Variants in CFAP45 observed in about 807,000 individuals in gnomAD.
CFAP45 encodes cilia- and flagella-associated protein 45.
A neutral mutation model predicts 75.6 loss-of-function variants in CFAP45; 43 were observed. The ratio of observed to expected loss-of-function variants is 0.57; its 90% CI spans 0.45 to 0.73. The LOEUF is 0.73. CFAP45 is among the 30% of genes least tolerant of loss of function. The pLI is 0.00. For synonymous variants in CFAP45, 223 were observed against 244.6 expected (o/e 0.91, Z 0.82); for missense variants, 689 against 701.5 (o/e 0.98, Z 0.20).
At chr1:159,887,036 C>A (rs977711465) in intron 5 of CFAP45, among the ~76,000 whole-genome samples, 2 of 152,094 alleles carry the variant, frequency 1.3e-5, no homozygotes, top group African/African-American at 4.8e-5. Context: ...CATGTACACA[C>A]AAAATTTCTA....
intron 5 of CFAP45, among the ~76,000 whole-genome samples, chr1:159,887,058 A>G (rs1453726746): frequency 6.6e-6 from 1 of 152,170 alleles, no homozygotes; most frequent in African/African-American, 2.4e-5. Context: ...AAAACTTCAG[A>G]GGTCCATTGT....
At chr1:159,886,437 CT>C in intron 6 of CFAP45, 73 bp downstream of exon 6, 1 of 1,288,042 alleles carries the variant, frequency 7.8e-7, no homozygotes, top group South Asian at 1.2e-5. Flanking sequence ...TCTCTTCCCT[CT>C]TTGCTAGGCT....
At chr1:159,878,387 G>A (rs756837948) in intron 8 of CFAP45, among the ~76,000 whole-genome samples, 7 of 152,096 alleles carry the variant, frequency 4.6e-5, no homozygotes, top group Non-Finnish European at 8.8e-5. Flanking sequence ...AGCTTCCCAA[G>A]CCCGCTTCCC....
At chr1:159,887,454 A>G (rs1468546288) in intron 5 of CFAP45, among the ~76,000 whole-genome samples, 2 of 152,220 alleles carry the variant, frequency 1.3e-5, no homozygotes, top group Non-Finnish European at 2.9e-5. Flanking sequence ...CGACCACCAT[A>G]CGTGGCCAGA....
intron 8 of CFAP45, 120 bp downstream of exon 8, chr1:159,880,434 G>A (rs1649522715): frequency 2.4e-6 from 2 of 848,546 alleles, no homozygotes; most frequent in Non-Finnish European, 3.7e-6. Flanking sequence ...AACTAAGGAT[G>A]TGCATCTTAG....
intron 3 of CFAP45, among the ~76,000 whole-genome samples, chr1:159,889,221 C>T (rs984558088): frequency 2.7e-5 from 4 of 148,290 alleles, no homozygotes; most frequent in African/African-American, 7.5e-5. Flanking sequence ...ACAAACCAAT[C>T]GCTAATTATA....
chr1:159,883,302 G>GAATA (rs1435133366), intron 7 of CFAP45, among the ~76,000 whole-genome samples: 1 of 152,096 alleles, frequency 6.6e-6, no homozygotes, highest in East Asian at 1.9e-4. Context: ...ATGAATGAAT[G>GAATA]AATGAATGAA....
chr1:159,895,425 C>T (rs1649931063), intron 1 of CFAP45, among the ~76,000 whole-genome samples: 1 of 152,236 alleles, frequency 6.6e-6, no homozygotes, highest in African/African-American at 2.4e-5. Context: ...TCTGAAAGCT[C>T]TCTCTGATCT....
chr1:159,890,361 G>T, intron 3 of CFAP45, 119 bp downstream of exon 3: 1 of 890,280 alleles, frequency 1.1e-6, no homozygotes, highest in Non-Finnish European at 1.8e-6. Context: ...AAACGAATAG[G>T]AAAGAAGTGG....
chr1:159,884,275 G>A (rs948371350), intron 7 of CFAP45, among the ~76,000 whole-genome samples, 161 bp downstream of exon 7: 30 of 152,170 alleles, frequency 2.0e-4, no homozygotes, highest in Non-Finnish European at 5.9e-5. Context: ...ACACCATGGT[G>A]AAATAAATAT....
intron 7 of CFAP45, among the ~76,000 whole-genome samples, chr1:159,883,776 A>C (rs980892025): frequency 6.6e-6 from 1 of 152,094 alleles, no homozygotes; most frequent in African/African-American, 2.4e-5. Context: ...AAATTTTTCA[A>C]AATAAAAAAT....
At chr1:159,880,811 A>C in intron 7 of CFAP45, 111 bp from the exon 8 acceptor site, 1 of 965,502 alleles carries the variant, frequency 1.0e-6, no homozygotes, top group Admixed American at 2.4e-5. Context: ...CATTGCCTGC[A>C]GTCTAGTGTC....
chr1:159,873,342 C>T, intron 10 of CFAP45, 174 bp from the exon 11 acceptor site: 1 of 607,692 alleles, frequency 1.6e-6, no homozygotes, highest in East Asian at 2.7e-5. Context: ...AGCTGCTGCA[C>T]ATGCATGCCC....
chr1:159,877,405 CCTT>C lies in CFAP45; in HGVS notation c.1099_1101del (p.Lys367del), dbSNP rs1649428456. 8.1e-6 allele frequency: 13 copies of C among 1,614,042 alleles called. No homozygotes were observed. Among genetic ancestry groups the C allele is most frequent in the Middle Eastern group, 1.6e-4 (1 of 6,084 alleles). ...TGCATGGCCCTCAAGCGTGCGATCT[CCTT>C]CTCTTTCTCCCTCCGGATTCTCTCC... On this transcript the variant is annotated inframe_deletion, in exon 9 of 12. Coordinates refer to ENST00000368099, the MANE Select transcript of CFAP45 (RefSeq NM_012337.3).
intron 3 of CFAP45, 67 bp downstream of exon 3, chr1:159,890,413 T>G (rs1376908198): frequency 6.6e-7 from 1 of 1,521,356 alleles, no homozygotes; most frequent in South Asian, 1.1e-5. Flanking sequence ...TTTACCCATC[T>G]CCCTACAAAG....
intron 3 of CFAP45, among the ~76,000 whole-genome samples, chr1:159,890,062 G>A (rs1423014422): frequency 2.6e-5 from 4 of 152,164 alleles, no homozygotes; most frequent in African/African-American, 9.7e-5. Context: ...GAAGCCAGGG[G>A]GCTAATTAGG....
At chr1:159,899,984 G>T in intron 1 of CFAP45, 112 bp downstream of exon 1, 1 of 1,146,688 alleles carries the variant, frequency 8.7e-7, no homozygotes, top group Non-Finnish European at 1.3e-6. Context: ...CTTACTCCTG[G>T]GCCCTCCTGA....
chr1:159,893,183 G>C lies in CFAP45; in HGVS notation c.126C>G (p.Ile42Met). 6.2e-6 allele frequency: 10 copies of C among 1,613,782 alleles called. No individual in the cohort carries two copies. Among genetic ancestry groups the C allele is most frequent in the Non-Finnish European group, 8.5e-6 (10 of 1,179,788 alleles). The change falls in exon 2 of 12, where the codon ATC (isoleucine) becomes ATG (methionine). Residue 42 changes from isoleucine to methionine, a missense_variant. Transcript: ENST00000368099. The stretch of plus-strand genomic sequence containing the variant: ...GAAAGGACTTGTTGAGGATTACCTT[G>C]ATATCTCCAAAGAGGCTCTCATCCA... Reference protein sequence around the residue: ...SEVDESLFGDIKSPAQGQSDS... With the variant: ...SEVDESLFGDMKSPAQGQSDS...
At chr1:159,894,906 C>T (rs776928669) in intron 1 of CFAP45, among the ~76,000 whole-genome samples, 7 of 152,290 alleles carry the variant, frequency 4.6e-5, no homozygotes, top group South Asian at 2.1e-4. Flanking sequence ...ATACCAGCAG[C>T]GGCACCCTAT....
Sources: gnomAD v4.1 joint callset for allele counts (sites outside exome capture counted in the v4.1 genomes callset) on GRCh38, gnomAD v4.1.1 for gene constraint, MANE v1.5 for transcripts, NCBI Gene and HGNC (gene_info 2026-07-23, HGNC 2026-07-21) for gene names.